Variants in PRR16 observed in about 807,000 individuals in gnomAD.
The protein encoded by PRR16 is proline rich 16, also known as protein Largen.
Under a neutral mutation model 18.2 loss-of-function variants are expected in PRR16, and 6 were observed. The observed-to-expected ratio is 0.33, with a 90% CI of 0.18 to 0.65. The LOEUF is 0.65. Among genes scored for constraint, PRR16 ranks in the 30% least tolerant of loss-of-function variants. The pLI is 0.74. For missense variants in PRR16, 412 were observed against 376.6 expected, an observed-to-expected ratio of 1.09 and a Z score of -0.78; for synonymous variants, 151 against 147.8, an observed-to-expected ratio of 1.02 and a Z score of -0.16.
chr5:120,723,015 T>C, the PRR16 span, among the ~76,000 whole-genome samples: 1 of 151,758 alleles, frequency 6.6e-6, no homozygotes, highest in African/African-American at 2.4e-5. Context: ...TTAACAAATA[T>C]TAAAATTTTT....
At chr5:120,521,490 A>T (rs1401970641) in intron 1 of PRR16, among the ~76,000 whole-genome samples, 2 of 151,574 alleles carry the variant, frequency 1.3e-5, no homozygotes, top group African/African-American at 2.4e-5. Context: ...TATGGGGCTC[A>T]TTTTTTTTCT....
At chr5:120,688,199 T>A (rs1283089654), downstream of PRR16, among the ~76,000 whole-genome samples, 1 of 152,192 alleles carries the variant, frequency 6.6e-6, no homozygotes, top group African/African-American at 2.4e-5. Flanking sequence ...CAGCTTCCTA[T>A]TAAAAATGAT....
intron 1 of PRR16, among the ~76,000 whole-genome samples, chr5:120,495,104 T>C (rs1345766153): frequency 6.6e-6 from 1 of 152,148 alleles, no homozygotes; most frequent in Admixed American, 6.5e-5. Context: ...AACTTTAGGC[T>C]AATTGTGTCA....
At chr5:120,753,662 T>TA in the PRR16 span, among the ~76,000 whole-genome samples, 1 of 150,918 alleles carries the variant, frequency 6.6e-6, no homozygotes, top group Non-Finnish European at 1.5e-5. Flanking sequence ...GTTCTTACTA[T>TA]ATGCCAATCA....
At chr5:120,730,230 T>C in the PRR16 span, among the ~76,000 whole-genome samples, 1 of 152,126 alleles carries the variant, frequency 6.6e-6, no homozygotes, top group African/African-American at 2.4e-5. Context: ...ATATTTAATC[T>C]TAGCAGCTCT....
At chr5:120,752,245 C>A in the PRR16 span, among the ~76,000 whole-genome samples, 2 of 152,018 alleles carry the variant, frequency 1.3e-5, no homozygotes, top group African/African-American at 4.8e-5. Context: ...GACCATTAGA[C>A]AAGAGAAGAC....
chr5:120,750,624 G>A, the PRR16 span, among the ~76,000 whole-genome samples: 2 of 151,640 alleles, frequency 1.3e-5, no homozygotes, highest in Admixed American at 6.6e-5. Flanking sequence ...CTGAGATCTC[G>A]CCACTGCACT....
the PRR16 span, among the ~76,000 whole-genome samples, chr5:120,732,494 C>A: frequency 6.6e-6 from 1 of 152,218 alleles, no homozygotes; most frequent in South Asian, 2.1e-4. Context: ...ATGCAGTGGT[C>A]CTAGGATCAA....
intron 1 of PRR16, among the ~76,000 whole-genome samples, chr5:120,490,949 C>T (rs1054235019): frequency 3.9e-5 from 6 of 152,190 alleles, no homozygotes; most frequent in East Asian, 1.9e-4. Context: ...ATATCAGCAG[C>T]GGAGGCTGCA....
intron 1 of PRR16, among the ~76,000 whole-genome samples, chr5:120,669,383 C>A (rs1156710848): frequency 6.6e-6 from 1 of 151,876 alleles, no homozygotes; most frequent in Non-Finnish European, 1.5e-5. Context: ...GCCAACTCTA[C>A]TTTGTCATGT....
intron 1 of PRR16, among the ~76,000 whole-genome samples, chr5:120,640,633 A>G (rs148034406): frequency 2.0e-4 from 31 of 152,270 alleles, no homozygotes; most frequent in African/African-American, 7.2e-4. Flanking sequence ...ATCATTACAT[A>G]TGGAATAGAA....
At chr5:120,579,034 CT>C (rs1179909610) in intron 1 of PRR16, among the ~76,000 whole-genome samples, 3 of 152,060 alleles carry the variant, frequency 2.0e-5, no homozygotes, top group Non-Finnish European at 4.4e-5. Context: ...TATTTGTTGG[CT>C]GCATAAATGT....
intron 1 of PRR16, among the ~76,000 whole-genome samples, chr5:120,545,225 T>A (rs973860377): frequency 5.9e-5 from 9 of 152,150 alleles, no homozygotes; most frequent in Non-Finnish European, 1.3e-4. Flanking sequence ...AGCATCCTTG[T>A]CTCTTCCAAA....
chr5:120,715,900 C>T, the PRR16 span, among the ~76,000 whole-genome samples: 1 of 152,142 alleles, frequency 6.6e-6, no homozygotes, highest in Non-Finnish European at 1.5e-5. Flanking sequence ...CGTTGAAGCG[C>T]CACTCCCCTT....
chr5:120,534,888 G>C (rs896192427), intron 1 of PRR16, among the ~76,000 whole-genome samples: 17 of 152,176 alleles, frequency 1.1e-4, no homozygotes, highest in African/African-American at 3.9e-4. Flanking sequence ...TGATTTTCTT[G>C]GTAGTTGAAG....
At chr5:120,526,461 C>T (rs1316562547) in intron 1 of PRR16, among the ~76,000 whole-genome samples, 3 of 152,144 alleles carry the variant, frequency 2.0e-5, no homozygotes, top group Admixed American at 6.5e-5. Context: ...ATTTTCCCCT[C>T]AGGCAACAAA....
the PRR16 span, among the ~76,000 whole-genome samples, chr5:120,773,145 C>T: frequency 9.2e-5 from 14 of 152,032 alleles, no homozygotes; most frequent in Admixed American, 3.3e-4. Context: ...TACTAGTATC[C>T]GTTAAGACTC....
At chr5:120,466,844 C>G (rs1048627816) in intron 1 of PRR16, among the ~76,000 whole-genome samples, 6 of 152,114 alleles carry the variant, frequency 3.9e-5, no homozygotes, top group Admixed American at 2.0e-4. Flanking sequence ...GAGTAAAAAT[C>G]TCACCATGAA....
chr5:120,733,612 C>G, the PRR16 span, among the ~76,000 whole-genome samples: 3 of 152,080 alleles, frequency 2.0e-5, no homozygotes, highest in Admixed American at 6.5e-5. Context: ...TAATCATGAA[C>G]GGCATTAAAC....
Sources: allele counts gnomAD v4.1 joint callset (sites outside exome capture counted in the v4.1 genomes callset), GRCh38; gene constraint gnomAD v4.1.1; transcripts MANE v1.5; gene names NCBI Gene and HGNC (gene_info 2026-07-23, HGNC 2026-07-21).